CCSER1: variants seen among roughly 807,000 people sequenced by gnomAD.
The protein encoded by CCSER1 is coiled-coil serine rich protein 1.
CCSER1 carries 41 observed loss-of-function variants against 82.0 expected under a neutral mutation model. That is an observed-to-expected ratio of 0.50 (90% CI 0.39 to 0.65). The LOEUF (loss-of-function observed/expected upper bound fraction) is 0.65, where lower values mean the gene tolerates loss of function less well. Among genes scored for constraint, CCSER1 ranks in the 30% least tolerant of loss-of-function variants. The probability of loss-of-function intolerance (pLI) is 0.00; values close to 1 mark genes in which losing one functional copy is unlikely to be tolerated. For missense variants in CCSER1, 1,119 were observed against 1,064.2 expected, an observed-to-expected ratio of 1.05 and a Z score of -0.72; for synonymous variants, 414 against 383.9, an observed-to-expected ratio of 1.08 and a Z score of -0.92.
chr4:90,602,176 C>A (rs1979769), intron 5 of CCSER1, among the ~76,000 whole-genome samples: 63,443 of 151,588 alleles, frequency 0.42, 15,118 homozygotes, highest in African/African-American at 0.66. Flanking sequence ...AGTTTTGCTT[C>A]ATGTATTTTG....
chr4:90,494,413 A>G (rs1007604975), intron 5 of CCSER1, among the ~76,000 whole-genome samples: 41 of 152,300 alleles, frequency 2.7e-4, no homozygotes, highest in African/African-American at 8.9e-4. Context: ...CACCAAGCAG[A>G]CCTAATAGAC....
At chr4:91,260,631 A>T (rs1560549638) in intron 10 of CCSER1, among the ~76,000 whole-genome samples, 1 of 152,184 alleles carries the variant, frequency 6.6e-6, no homozygotes, top group Admixed American at 6.5e-5. Flanking sequence ...GGTTCTATGA[A>T]ATTTGAGTCT....
At chr4:90,778,708 C>T (rs1331952269) in intron 7 of CCSER1, among the ~76,000 whole-genome samples, 4 of 151,866 alleles carry the variant, frequency 2.6e-5, no homozygotes, top group Non-Finnish European at 5.9e-5. Context: ...CATGTTTAAA[C>T]TAGAAGGCAC....
intron 10 of CCSER1, among the ~76,000 whole-genome samples, chr4:91,266,542 C>T (rs1295955696): frequency 2.0e-5 from 3 of 152,020 alleles, no homozygotes; most frequent in East Asian, 3.9e-4. Context: ...TGAGCCACAG[C>T]GCCCGGCCTT....
chr4:90,522,848 G>C (rs1195188637), intron 5 of CCSER1, among the ~76,000 whole-genome samples: 1 of 152,030 alleles, frequency 6.6e-6, no homozygotes, highest in African/African-American at 2.4e-5. Flanking sequence ...CATAGTACCT[G>C]TTTCATAGTT....
chr4:91,599,349 T>G lies in CCSER1; in HGVS notation c.*292T>G. 1 of 239,464 alleles carries G rather than the reference T, an allele frequency of 4.2e-6. No individual in the cohort carries two copies. Among genetic ancestry groups the G allele is most frequent in the East Asian group, 8.1e-5 (1 of 12,330 alleles). 14.8% of individuals were successfully genotyped at this position (239,464 alleles called of 1,614,324 possible). A position where few individuals can be genotyped will look rare whatever the true frequency, so the allele number is the denominator to read the frequency against. ...TTTATATAGTCCATAATTTATTTAT[T>G]TTTTATCTCTATCACTTACTGATAT... On this transcript the variant is annotated 3_prime_UTR_variant, in exon 11 of 11. Coordinates refer to ENST00000509176, the MANE Select transcript of CCSER1 (RefSeq NM_001145065.2).
chr4:91,440,890 G>A (rs975301967), intron 10 of CCSER1, among the ~76,000 whole-genome samples: 7 of 152,148 alleles, frequency 4.6e-5, no homozygotes, highest in African/African-American at 7.2e-5. Flanking sequence ...TAAATTCCTC[G>A]ACACATACAC....
intron 10 of CCSER1, among the ~76,000 whole-genome samples, chr4:91,547,235 T>TAA (rs1229609519): frequency 6.6e-6 from 1 of 152,182 alleles, no homozygotes; most frequent in Non-Finnish European, 1.5e-5. Flanking sequence ...GTGATGCTAC[T>TAA]AAGTTTAGTA....
intron 9 of CCSER1, among the ~76,000 whole-genome samples, chr4:91,039,415 T>C (rs774662973): frequency 6.6e-6 from 1 of 151,904 alleles, no homozygotes; most frequent in Admixed American, 6.6e-5. Flanking sequence ...CAACATTGTG[T>C]TTTTTTTCTT....
At chr4:90,596,730 CAAACTT>C (rs938462015) in intron 5 of CCSER1, among the ~76,000 whole-genome samples, 1 of 151,454 alleles carries the variant, frequency 6.6e-6, no homozygotes, top group African/African-American at 2.4e-5. Context: ...AAAAAAAAGA[CAAACTT>C]AAAAGCCCAA....
chr4:91,041,072 TA>T (rs1741917341), intron 9 of CCSER1, among the ~76,000 whole-genome samples: 1 of 152,106 alleles, frequency 6.6e-6, no homozygotes, highest in African/African-American at 2.4e-5. Context: ...CAGAAATCTA[TA>T]TTGGAATTTA....
chr4:91,120,841 T>C (rs1159631155), intron 10 of CCSER1, among the ~76,000 whole-genome samples: 2 of 151,726 alleles, frequency 1.3e-5, no homozygotes, highest in Non-Finnish European at 3.0e-5. Flanking sequence ...ATCCAGAAAC[T>C]AACAAAATAA....
chr4:90,542,604 T>C (rs1776252968), intron 5 of CCSER1, among the ~76,000 whole-genome samples: 1 of 152,110 alleles, frequency 6.6e-6, no homozygotes, highest in Non-Finnish European at 1.5e-5. Context: ...GTGTATATGC[T>C]AGATAAAAAA....
rs566710204 is a variant in CCSER1, at chr4:91,522,906, C to A, written c.2218-75666C>A. ...ATTGCCCTGGCCAGAACTTCCAATA[C>A]TATGTTGAATAAGAGTGGTGAGAGA... On this transcript the variant is annotated intron_variant, in intron 10 of 10. Coordinates refer to ENST00000509176, the MANE Select transcript of CCSER1 (RefSeq NM_001145065.2). 4.6e-5 allele frequency among the ~76,000 whole-genome samples: 7 copies of A among 152,258 alleles called. No individual in the cohort carries two copies. The East Asian group carries it at 1.4e-3, about 29-fold the overall frequency.
intron 1 of CCSER1, among the ~76,000 whole-genome samples, chr4:90,270,476 A>C (rs1726064247): frequency 6.6e-6 from 1 of 151,634 alleles, no homozygotes; most frequent in African/African-American, 2.4e-5. Flanking sequence ...AAAATACTGG[A>C]TATAGAAGGA....
intron 10 of CCSER1, among the ~76,000 whole-genome samples, chr4:91,316,904 G>A (rs1234476666): frequency 6.6e-6 from 1 of 151,960 alleles, no homozygotes; most frequent in African/African-American, 2.4e-5. Flanking sequence ...GGTGAACGGG[G>A]ATAAAAGGAG....
At chr4:90,970,903 T>C (rs1735039356) in intron 9 of CCSER1, among the ~76,000 whole-genome samples, 1 of 151,694 alleles carries the variant, frequency 6.6e-6, no homozygotes, top group South Asian at 2.1e-4. Flanking sequence ...ATTTAGGACA[T>C]GAATACAGTG....
At chr4:90,366,314 CATT>C (rs1184375627) in intron 3 of CCSER1, among the ~76,000 whole-genome samples, 1 of 150,608 alleles carries the variant, frequency 6.6e-6, no homozygotes, top group African/African-American at 2.4e-5. Context: ...GAATCAATAT[CATT>C]GTGTGTGTAT....
At chr4:91,287,144 T>A (rs538708508) in intron 10 of CCSER1, among the ~76,000 whole-genome samples, 1 of 151,978 alleles carries the variant, frequency 6.6e-6, no homozygotes, top group African/African-American at 2.4e-5. Context: ...AGTCAAGTTT[T>A]TTTCCTACTA....
Sources: allele counts gnomAD v4.1 joint callset (sites outside exome capture counted in the v4.1 genomes callset), GRCh38; gene constraint gnomAD v4.1.1; transcripts MANE v1.5; gene names NCBI Gene and HGNC (gene_info 2026-07-23, HGNC 2026-07-21).